Variants in SNX29 observed in about 807,000 individuals in gnomAD.
SNX29 encodes sorting nexin-29.
In SNX29, 78 loss-of-function variants were observed where a neutral mutation model predicts 102.1. The observed-to-expected ratio is 0.76, with a 90% CI of 0.64 to 0.92. The LOEUF (loss-of-function observed/expected upper bound fraction) is 0.92. Ranked by LOEUF, SNX29 falls within the 40% of genes least tolerant of loss-of-function variation. The probability of loss-of-function intolerance (pLI) is 0.00; values close to 1 mark genes in which losing one functional copy is unlikely to be tolerated. For missense variants in SNX29, 1,280 were observed against 1,061.7 expected, an observed-to-expected ratio of 1.21 and a Z score of -2.86; for synonymous variants, 580 against 414.5, an observed-to-expected ratio of 1.40 and a Z score of -4.85.
chr16:12,211,200 G>C (rs2077174536), intron 14 of SNX29, among the ~76,000 whole-genome samples: 1 of 152,118 alleles, frequency 6.6e-6, no homozygotes, highest in Non-Finnish European at 1.5e-5. Context: ...ACAGTTCTGG[G>C]TATACTTCAG....
At chr16:12,483,695 A>T (rs1347831965) in intron 19 of SNX29, among the ~76,000 whole-genome samples, 2 of 152,164 alleles carry the variant, frequency 1.3e-5, no homozygotes, top group Non-Finnish European at 2.9e-5. Context: ...TTAAGCCAAC[A>T]AGGGTATATC....
chr16:12,540,480 G>T (rs956155894), intron 20 of SNX29, among the ~76,000 whole-genome samples: 1 of 152,262 alleles, frequency 6.6e-6, no homozygotes, highest in Admixed American at 6.5e-5. Flanking sequence ...CTACAGTCAA[G>T]GTGTCGGCAG....
intron 14 of SNX29, among the ~76,000 whole-genome samples, chr16:12,275,659 T>G (rs2079220968): frequency 6.7e-6 from 1 of 150,216 alleles, no homozygotes; most frequent in Non-Finnish European, 1.5e-5. Flanking sequence ...TCTTAGCTTC[T>G]GTAATTTTGT....
At chr16:12,567,518 C>G (rs977953683) in intron 20 of SNX29, among the ~76,000 whole-genome samples, 3 of 152,134 alleles carry the variant, frequency 2.0e-5, no homozygotes, top group African/African-American at 7.2e-5. Flanking sequence ...GGCACAGTGG[C>G]TCACACCTGT....
intron 13 of SNX29, among the ~76,000 whole-genome samples, chr16:12,133,544 G>A (rs1282911264): frequency 3.3e-5 from 5 of 151,920 alleles, no homozygotes; most frequent in Non-Finnish European, 5.9e-5. Context: ...ACCCACCTAG[G>A]CCTCCTGAAG....
intron 20 of SNX29, among the ~76,000 whole-genome samples, chr16:12,531,120 T>C (rs948621351): frequency 6.6e-6 from 1 of 152,164 alleles, no homozygotes; most frequent in African/African-American, 2.4e-5. Context: ...AAGCCCACCC[T>C]CTCATACCAA....
intron 18 of SNX29, among the ~76,000 whole-genome samples, chr16:12,411,312 A>T (rs1440214734): frequency 6.6e-6 from 1 of 152,152 alleles, no homozygotes; most frequent in Non-Finnish European, 1.5e-5. Context: ...GTTGCAGGCC[A>T]AGCCAGACCA....
In SNX29 at chr16:12,098,087, C is replaced by T. The variant is rs995557228; in HGVS notation, c.1402+19172C>T. Among the ~76,000 whole-genome samples, 2 of 152,168 alleles carry T rather than the reference C, an allele frequency of 1.3e-5. No individual in the cohort carries two copies. The highest frequency in any genetic ancestry group is 2.1e-4 in the South Asian group (1 of 4,822). ...AATAGCACTTGCCATGTGCAGTGCCCGCACACGCTGGGCCCAGAGGACGCT... is the reference window on the plus strand; with the variant it reads ...AATAGCACTTGCCATGTGCAGTGCCTGCACACGCTGGGCCCAGAGGACGCT... On this transcript the variant is annotated intron_variant, in intron 11 of 20. Transcript: ENST00000566228. This position sits in a 1 kb window ranked among gnomAD's most constrained non-coding sequence, Gnocchi z 6.0.
chr16:12,354,804 A>T (rs1297920143), intron 15 of SNX29, among the ~76,000 whole-genome samples: 1 of 152,230 alleles, frequency 6.6e-6, no homozygotes, highest in East Asian at 1.9e-4. Flanking sequence ...TCCAAAAGGA[A>T]TAAGGTAACA....
At position 12,182,444 on chromosome 16, in the gene SNX29, TA is replaced by T. The variant is rs2076408755; in HGVS notation, c.1596-17156del. Among the ~76,000 whole-genome samples the T allele has an allele frequency of 3.9e-5, 6 of 152,260 alleles. No homozygotes were observed. In the South Asian group the frequency reaches 1.2e-3, roughly 32 times the overall value. On this transcript the variant is annotated intron_variant, in intron 13 of 20. Coordinates refer to ENST00000566228, the MANE Select transcript of SNX29 (RefSeq NM_032167.5). ...GCTCATTTTGCTTCACAAAAGTAAT[TA>T]CTCTGATGGCTGCTAACGCTTGCTC...
Position 11,979,275 on chromosome 16 carries a change from CAAA to C in SNX29, c.7+2484_7+2486del, listed in dbSNP as rs71139569. Among the ~76,000 whole-genome samples, 526 of 61,962 alleles carry C rather than the reference CAAA, an allele frequency of 8.5e-3. 2 individuals are homozygous for C. Among genetic ancestry groups the C allele is most frequent in the Middle Eastern group, 0.029 (2 of 70 alleles). The allele number at this position is 61,962 out of a possible 152,430, so 40.6% of individuals were successfully genotyped here. A position where few individuals can be genotyped will look rare whatever the true frequency, so the allele number is the denominator to read the frequency against. On this transcript the variant is annotated intron_variant, in intron 1 of 20. Transcript: ENST00000566228. ...GGGCAACAGAGTGAGACTCAGTCTC[CAAA>C]AAAAAAAAAAAAAAAAAAAAATCGT...
At chr16:12,380,966 TCATCCACCCACCATCCATC>T (rs2083096201) in intron 16 of SNX29, among the ~76,000 whole-genome samples, 1 of 23,508 alleles carries the variant, frequency 4.3e-5, no homozygotes, top group Non-Finnish European at 7.5e-5. Context: ...TCCATCAATT[TCATCCACCCACCATCCATC>T]CATCCACCCA....
rs981424104 is a variant in SNX29, at chr16:12,048,374, C to T, written c.502C>T (p.Leu168=). The T allele has an allele frequency of 6.2e-7, 1 of 1,613,680 alleles. No individual in the cohort carries two copies. Among genetic ancestry groups the T allele is most frequent in the Non-Finnish European group, 8.5e-7 (1 of 1,179,850 alleles). The change falls in exon 7 of 21, where the codon CTG becomes TTG. Residue 168 remains leucine (L), a splice_region_variant and synonymous_variant. Coordinates refer to ENST00000566228, the MANE Select transcript of SNX29 (RefSeq NM_032167.5). ...SSMLPTMAAG[L]NSILFAINID... is the part of the protein sequence containing the mutation. ...GACTTTTCCCTTTTTTTGGGCAGGT[C>T]TGAACTCCATACTCTTTGCGATTAA... is the stretch of plus-strand genomic sequence containing the variant.
intron 14 of SNX29, among the ~76,000 whole-genome samples, chr16:12,271,182 T>G (rs1172703021): frequency 6.6e-6 from 1 of 152,260 alleles, no homozygotes; most frequent in Non-Finnish European, 1.5e-5. Context: ...AATCTTTGTG[T>G]GGGATAGACA....
chr16:12,199,265 A>C (rs2076854666), intron 13 of SNX29, among the ~76,000 whole-genome samples: 1 of 152,186 alleles, frequency 6.6e-6, no homozygotes, highest in Admixed American at 6.5e-5. Context: ...TGGAGAGAAG[A>C]CTAGAGTTCC....
Position 12,570,183 on chromosome 16 carries a change from T to G in SNX29, c.*1554T>G, listed in dbSNP as rs528758916. The G allele has an allele frequency of 1.4e-4, 144 of 1,063,642 alleles. 1 individual carries two copies. The African/African-American group carries it at 2.1e-3, about 16-fold the overall frequency. The allele number at this position is 1,063,642 out of a possible 1,614,324, so 65.9% of individuals were successfully genotyped here. A position where few individuals can be genotyped will look rare whatever the true frequency, so the allele number is the denominator to read the frequency against. ...GCCCCCCCACCCCAGAGAAACCGAG[T>G]CAGCCTACATGACTTCCAAGGGGAC... On this transcript the variant is annotated 3_prime_UTR_variant, in exon 21 of 21. Transcript: ENST00000566228.
chr16:12,548,195 G>A (rs898293908), intron 20 of SNX29, among the ~76,000 whole-genome samples: 4 of 152,106 alleles, frequency 2.6e-5, no homozygotes, highest in Admixed American at 6.5e-5. Flanking sequence ...ATCCCACAGC[G>A]CCTCCCACAA....
intron 1 of SNX29, among the ~76,000 whole-genome samples, chr16:11,980,599 A>G (rs1443783375): frequency 1.3e-5 from 2 of 152,138 alleles, no homozygotes; most frequent in African/African-American, 4.8e-5. Context: ...CTGTTTTCTA[A>G]AGTGGCTGCA....
At chr16:12,519,296 A>C (rs928813665) in intron 19 of SNX29, among the ~76,000 whole-genome samples, 3 of 152,220 alleles carry the variant, frequency 2.0e-5, no homozygotes, top group African/African-American at 7.2e-5. Context: ...GTCAGAACCC[A>C]GGTGATCGCA....
Sources: gnomAD v4.1 joint callset for allele counts (sites outside exome capture counted in the v4.1 genomes callset) on GRCh38, gnomAD v4.1.1 for gene constraint, Gnocchi (gnomAD v3.1) non-coding constraint, MANE v1.5 for transcripts, NCBI Gene and HGNC (gene_info 2026-07-23, HGNC 2026-07-21) for gene names.